Variants in APBA2 observed in about 807,000 individuals in gnomAD.
The protein encoded by APBA2 is amyloid-beta A4 precursor protein-binding family A member 2.
APBA2 carries 30 observed loss-of-function variants against 75.0 expected under a neutral mutation model. The observed-to-expected ratio is 0.40, with a 90% CI of 0.30 to 0.54. APBA2 has a LOEUF of 0.54. APBA2 is among the 20% of genes least tolerant of loss of function. The probability of loss-of-function intolerance (pLI) is 0.49; values close to 1 mark genes in which losing one functional copy is unlikely to be tolerated. For missense variants in APBA2, 801 were observed against 1,016.1 expected (o/e 0.79, Z 2.88); for synonymous variants, 444 against 409.6 (o/e 1.08, Z -1.01).
chr15:29,062,272 G>A (rs1040303442), intron 4 of APBA2, among the ~76,000 whole-genome samples: 1 of 152,164 alleles, frequency 6.6e-6, no homozygotes, highest in Non-Finnish European at 1.5e-5. Flanking sequence ...AGGCTGCACG[G>A]GAGGGTTCTT....
At chr15:29,108,124 C>A in intron 12 of APBA2, 146 bp from the exon 13 acceptor site, 2 of 1,171,920 alleles carry the variant, frequency 1.7e-6, no homozygotes, top group Non-Finnish European at 2.5e-6. Flanking sequence ...CACAGAGGGG[C>A]TACCGAGGCT....
chr15:28,888,495 CG>C (rs2031907069), intron 1 of APBA2, among the ~76,000 whole-genome samples: 1 of 152,192 alleles, frequency 6.6e-6, no homozygotes, highest in Non-Finnish European at 1.5e-5. Context: ...AGCTCCTCTC[CG>C]GCGCTCCTGG....
chr15:29,060,623 T>A (rs184037704), intron 4 of APBA2, among the ~76,000 whole-genome samples: 1 of 152,076 alleles, frequency 6.6e-6, no homozygotes, highest in Non-Finnish European at 1.5e-5. Context: ...GCCAGTGAGG[T>A]GACCAGTAGA....
intron 13 of APBA2, among the ~76,000 whole-genome samples, chr15:29,110,300 G>A (rs2152977739): frequency 6.6e-6 from 1 of 152,320 alleles, no homozygotes; most frequent in East Asian, 1.9e-4. Context: ...AGCCTGGGGT[G>A]CTGTATGGTG....
chr15:28,978,097 G>A (rs565571702), intron 2 of APBA2, among the ~76,000 whole-genome samples: 11 of 152,292 alleles, frequency 7.2e-5, no homozygotes, highest in African/African-American at 1.2e-4. Flanking sequence ...ACCGTGGCTC[G>A]GATGGATTAG....
intron 1 of APBA2, among the ~76,000 whole-genome samples, chr15:28,902,675 T>C (rs568419880): frequency 7.2e-5 from 11 of 152,320 alleles, no homozygotes; most frequent in African/African-American, 2.6e-4. Context: ...GCTGTGGGTA[T>C]ATGAGAACTC....
At chr15:28,923,790 G>A (rs978268901) in intron 2 of APBA2, among the ~76,000 whole-genome samples, 2 of 152,124 alleles carry the variant, frequency 1.3e-5, no homozygotes, top group Non-Finnish European at 2.9e-5. Context: ...CTCCCTTTTT[G>A]TGCTGGTGTC....
chr15:28,941,555 G>C lies in APBA2; in HGVS notation c.-95+19806G>C, dbSNP rs72714177. ...TGGAAGCACAACCAACGGTTAAAGGGGACATAAAAGGCACACATAGTGTGT... is the reference window on the plus strand; with the variant it reads ...TGGAAGCACAACCAACGGTTAAAGGCGACATAAAAGGCACACATAGTGTGT... On this transcript the variant is annotated intron_variant, in intron 2 of 14. Transcript: ENST00000683413. Among the ~76,000 whole-genome samples, 254 of 151,864 alleles carry C rather than the reference G, an allele frequency of 1.7e-3. 2 individuals are homozygous for C. The highest frequency in any genetic ancestry group is 3.3e-3 in the Non-Finnish European group (221 of 67,928).
At chr15:29,098,679 C>T in intron 9 of APBA2, 103 bp downstream of exon 9, 4 of 969,682 alleles carry the variant, frequency 4.1e-6, no homozygotes, top group Non-Finnish European at 3.2e-6. Context: ...CTCTCCTGTG[C>T]TCTCTGCGCC....
intron 4 of APBA2, among the ~76,000 whole-genome samples, chr15:29,074,377 A>G (rs2042755489): frequency 6.6e-6 from 1 of 152,218 alleles, no homozygotes; most frequent in Non-Finnish European, 1.5e-5. Context: ...TGCTGAGTGC[A>G]ATAAGCCAGT....
At chr15:28,955,687 C>T (rs2036128417) in intron 2 of APBA2, among the ~76,000 whole-genome samples, 1 of 152,206 alleles carries the variant, frequency 6.6e-6, no homozygotes, top group African/African-American at 2.4e-5. Flanking sequence ...AACACAAAAG[C>T]TGGTTCCATC....
In APBA2 at chr15:29,054,205, C is replaced by T. The variant is rs369962967; in HGVS notation, c.321C>T (p.Asp107=). Residue 107 remains aspartate (D), a synonymous_variant, in exon 4 of 15, where the codon GAC becomes GAT. Transcript: ENST00000683413. The surrounding 1 kb of genome is among the most constrained non-coding windows in gnomAD (Gnocchi z 6.1). ...ITYYIRYCPE[D]DSYLEGMDCN... is the part of the protein sequence containing the mutation. ...ACTACATCCGCTACTGCCCTGAGGA[C>T]GACAGCTACCTAGAGGGCATGGACT... 26 of 1,614,064 alleles carry T rather than the reference C, an allele frequency of 1.6e-5. No homozygotes were observed. In the African/African-American group the frequency reaches 1.7e-4, roughly 11 times the overall value.
At chr15:28,923,639 TGCCCTCTTCTCATATG>T (rs1490956443) in intron 2 of APBA2, among the ~76,000 whole-genome samples, 2 of 152,180 alleles carry the variant, frequency 1.3e-5, no homozygotes, top group Non-Finnish European at 2.9e-5. Context: ...CCATGTTCCC[TGCCCTCTTCTCATATG>T]GAACACGTGG....
intron 1 of APBA2, among the ~76,000 whole-genome samples, chr15:28,892,963 G>A (rs1191401056): frequency 6.6e-6 from 1 of 152,212 alleles, no homozygotes; most frequent in Non-Finnish European, 1.5e-5. Flanking sequence ...TGTGCCTTGT[G>A]CAAATAAAAC....
At chr15:28,936,202 C>G (rs2034859722) in intron 2 of APBA2, among the ~76,000 whole-genome samples, 1 of 152,162 alleles carries the variant, frequency 6.6e-6, no homozygotes, top group Non-Finnish European at 1.5e-5. Context: ...AGTTGTGCCC[C>G]ATAGCTGTCT....
chr15:29,053,715 CTGTT>C (rs2041722812), intron 3 of APBA2, 126 bp from the exon 4 acceptor site: 1 of 625,490 alleles, frequency 1.6e-6, no homozygotes, highest in Admixed American at 2.8e-5. Context: ...GGATGGCGCA[CTGTT>C]TGAACAGATG....
chr15:29,117,117 C>T lies in APBA2; in HGVS notation c.2234C>T (p.Thr745Ile). Residue 745 changes from threonine to isoleucine, a missense_variant, in exon 15 of 15, where the codon ACC becomes ATC. Around this residue, in one of 2 missense-constraint regions of APBA2, gnomAD observed 367 missense variants for 544.5 expected, o/e 0.67. Coordinates refer to ENST00000683413, the MANE Select transcript of APBA2 (RefSeq NM_001353788.2). Reference sequence around the variant, plus strand: ...TTCAGGCTCCTCACGGGTCAGGAGACCCCGCTGTACATCTAGGCCACCCCA... The same window carrying T: ...TTCAGGCTCCTCACGGGTCAGGAGATCCCGCTGTACATCTAGGCCACCCCA... Reference protein sequence around the residue: ...AMFRLLTGQETPLYI With the variant: ...AMFRLLTGQEIPLYI 1 of 1,613,240 alleles carries T rather than the reference C, an allele frequency of 6.2e-7. No homozygotes were observed. Among genetic ancestry groups the T allele is most frequent in the South Asian group, 1.1e-5 (1 of 91,080 alleles).
rs2041198421 is a variant in APBA2, at chr15:29,044,350, C to T, written c.-40-9495C>T. 4.6e-5 allele frequency: 7 copies of T among 152,294 alleles called. No individual in the cohort carries two copies. The South Asian group carries it at 1.2e-3, about 27-fold the overall frequency. The allele number at this position is 152,294 out of a possible 1,614,324, so 9.4% of individuals were successfully genotyped here. ...GTGGTGAGCACGGTGTCGGGGGCCG[C>T]ATTAGCTATTGATTTATGTGCTGTT... On this transcript the variant is annotated intron_variant, in intron 3 of 14. Coordinates refer to ENST00000683413, the MANE Select transcript of APBA2 (RefSeq NM_001353788.2).
At chr15:29,028,669 G>A (rs1267987985) in intron 3 of APBA2, among the ~76,000 whole-genome samples, 1 of 152,154 alleles carries the variant, frequency 6.6e-6, no homozygotes, top group East Asian at 1.9e-4. Flanking sequence ...GCCAGCATTT[G>A]TTGTTTCTTG....
Sources: allele counts gnomAD v4.1 joint callset (sites outside exome capture counted in the v4.1 genomes callset), GRCh38; gene constraint gnomAD v4.1.1; regional missense constraint gnomAD v4.1.1; non-coding constraint Gnocchi (gnomAD v3.1); transcripts MANE v1.5; gene names NCBI Gene and HGNC (gene_info 2026-07-23, HGNC 2026-07-21).